The following ZC3H4 variants were observed in gnomAD, a reference collection of about 807,000 sequenced individuals.
The protein encoded by ZC3H4 is zinc finger CCCH domain-containing protein 4.
A neutral mutation model predicts 108.3 loss-of-function variants in ZC3H4; 13 were observed. The ratio of observed to expected loss-of-function variants is 0.12; its 90% confidence interval spans 0.08 to 0.19. ZC3H4 has a LOEUF of 0.19. Among genes scored for constraint, ZC3H4 ranks in the 10% least tolerant of loss-of-function variants. The pLI is 1.00. For synonymous variants in ZC3H4, 917 were observed against 749.6 expected (o/e 1.22, Z -3.65); for missense variants, 1,734 against 1,838.8 (o/e 0.94, Z 1.04).
chr19:47,108,402 T>C (rs977358294), intron 2 of ZC3H4, among the ~76,000 whole-genome samples: 1 of 152,118 alleles, frequency 6.6e-6, no homozygotes, highest in African/African-American at 2.4e-5. Flanking sequence ...ATCTGACCTC[T>C]ATGGAGAGAT....
intron 2 of ZC3H4, among the ~76,000 whole-genome samples, chr19:47,098,996 A>AG (rs1340191771): frequency 2.6e-4 from 39 of 152,264 alleles, no homozygotes; most frequent in African/African-American, 9.1e-4. Flanking sequence ...ACCTATCTCA[A>AG]GGGCTGTGAA....
At chr19:47,091,552 C>T (rs550634089) in intron 4 of ZC3H4, among the ~76,000 whole-genome samples, 533 of 150,396 alleles carry the variant, frequency 3.5e-3, no homozygotes, top group Non-Finnish European at 5.6e-3. Flanking sequence ...CCAGCCTGGG[C>T]GACAGAGCGA....
At position 47,082,302 on chromosome 19, in the gene ZC3H4, G is replaced by A. The variant is rs775748004; in HGVS notation, c.1219-7C>T. ...TAAAATTACAGTGGTCTCCCTAGAA[G>A]AGAAGCAACAAAAACATAAGGTGGT... On this transcript the variant is annotated splice_polypyrimidine_tract_variant and splice_region_variant and intron_variant, in intron 9 of 14. Coordinates refer to ENST00000253048, the MANE Select transcript of ZC3H4 (RefSeq NM_015168.2). The A allele has an allele frequency of 2.5e-6, 4 of 1,601,994 alleles. No homozygotes were observed. In the South Asian group the frequency reaches 4.4e-5, roughly 18 times the overall value.
chr19:47,092,100 A>T (rs563783616), intron 4 of ZC3H4, among the ~76,000 whole-genome samples: 2 of 151,820 alleles, frequency 1.3e-5, no homozygotes, highest in Non-Finnish European at 2.9e-5. Context: ...GCTACTTAGG[A>T]GGCTGAGGCA....
chr19:47,109,300 C>T (rs1202977174), intron 2 of ZC3H4, among the ~76,000 whole-genome samples: 1 of 152,118 alleles, frequency 6.6e-6, no homozygotes, highest in Admixed American at 6.5e-5. Context: ...TGCCTGTGAG[C>T]TTTTTAAATG....
chr19:47,089,973 C>T lies in ZC3H4; in HGVS notation c.709G>A (p.Gly237Ser). 1.2e-6 allele frequency: 2 copies of T among 1,614,188 alleles called. No individual in the cohort carries two copies. The highest frequency in any genetic ancestry group is 1.7e-5 in the Admixed American group (1 of 60,020). Reference protein sequence around the residue: ...YRRAKEGSSRGRGSRGRGRGY... With the variant: ...YRRAKEGSSRSRGSRGRGRGY... ...CTGTAAGGGCAGGGCTCACCTCGGCCGCGGCTGCTGCCCTCCTTGGCACGC... is the reference window on the plus strand; with the variant it reads ...CTGTAAGGGCAGGGCTCACCTCGGCTGCGGCTGCTGCCCTCCTTGGCACGC... Residue 237 changes from glycine to serine, a missense_variant, in exon 5 of 15, where the codon GGC becomes AGC. Gly to Ser is a moderately conservative substitution (Grantham distance 56). Around this residue, in one of 9 missense-constraint regions of ZC3H4, gnomAD observed 403 missense variants for 457.0 expected, o/e 0.88. Transcript: ENST00000253048.
Position 47,072,043 on chromosome 19 carries a change from T to C in ZC3H4, c.1881A>G (p.Pro627=), listed in dbSNP as rs1322894426. The C allele has an allele frequency of 1.9e-6, 3 of 1,586,620 alleles. No homozygotes were observed. Among genetic ancestry groups the C allele is most frequent in the Middle Eastern group, 1.7e-4 (1 of 6,022 alleles). The change falls in exon 13 of 15, where the codon CCA becomes CCG. Residue 627 remains proline, a synonymous_variant. Transcript: ENST00000253048. The surrounding 1 kb of genome is among the most constrained non-coding windows in gnomAD (Gnocchi z 5.6). Reference sequence around the variant, plus strand: ...TGTCGGGGTGCATGTCAGGATGCATTGGACCGCCCATTGGCCCTGGGGGTC... The same window carrying C: ...TGTCGGGGTGCATGTCAGGATGCATCGGACCGCCCATTGGCCCTGGGGGTC... ...NMGPPGPMGG[P]MHPDMHPDMH...
Position 47,112,568 on chromosome 19 carries a change from C to T in ZC3H4, c.17G>A (p.Gly6Glu), listed in dbSNP as rs1000841376. 14 of 1,128,182 alleles carry T rather than the reference C, an allele frequency of 1.2e-5. No homozygotes were observed. The highest frequency in any genetic ancestry group is 1.6e-5 in the African/African-American group (1 of 62,638). The allele number at this position is 1,128,182 out of a possible 1,614,324, so 69.9% of individuals were successfully genotyped here. MEAAP[G>E]TPPPPPSESP... is the part of the protein sequence containing the mutation. Reference sequence around the variant, plus strand: ...CTCTGATGGCGGCGGCGGGGGGGTCCCGGGCGCGGCCTCCATAGTTCCTTT... The same window carrying T: ...CTCTGATGGCGGCGGCGGGGGGGTCTCGGGCGCGGCCTCCATAGTTCCTTT... Residue 6 changes from glycine to glutamate, a missense_variant, in exon 2 of 15, where the codon GGG (glycine) becomes GAG (glutamate). Gly to Glu is a moderately conservative substitution (Grantham distance 98). This residue lies in a region of ZC3H4 where 112 missense variants were observed against 73.3 expected (regional missense o/e 1.53). Coordinates refer to ENST00000253048, the MANE Select transcript of ZC3H4 (RefSeq NM_015168.2).
At chr19:47,076,724 G>C (rs1056038473) in intron 11 of ZC3H4, among the ~76,000 whole-genome samples, 1 of 152,184 alleles carries the variant, frequency 6.6e-6, no homozygotes, top group Admixed American at 6.5e-5. Context: ...GCCGGGCGCA[G>C]TGGCTCACAC....
At position 47,086,544 on chromosome 19, in the gene ZC3H4, T is replaced by C. The variant is rs2057630239; in HGVS notation, c.716-6A>G. ...CCGGCCCCGGCCTCGGCTGCCTGCATGGAGATTCAGATAGTGAGCCTCCAG... is the reference window on the plus strand; with the variant it reads ...CCGGCCCCGGCCTCGGCTGCCTGCACGGAGATTCAGATAGTGAGCCTCCAG... On this transcript the variant is annotated splice_polypyrimidine_tract_variant and splice_region_variant and intron_variant, in intron 5 of 14. Transcript: ENST00000253048. 3.2e-6 allele frequency: 5 copies of C among 1,580,600 alleles called. No homozygotes were observed. The highest frequency in any genetic ancestry group is 4.3e-6 in the Non-Finnish European group (5 of 1,171,540).
intron 2 of ZC3H4, among the ~76,000 whole-genome samples, chr19:47,097,267 T>G (rs1161864400): frequency 6.6e-6 from 1 of 152,220 alleles, no homozygotes; most frequent in Admixed American, 6.5e-5. Flanking sequence ...CTACTTGAAA[T>G]TTTGTTTCCC....
At chr19:47,108,047 C>G (rs559489977) in intron 2 of ZC3H4, among the ~76,000 whole-genome samples, 4 of 152,196 alleles carry the variant, frequency 2.6e-5, no homozygotes, top group Non-Finnish European at 2.9e-5. Flanking sequence ...TGGCTTCATA[C>G]CATGTTATTC....
At chr19:47,099,289 A>G (rs1057153755) in intron 2 of ZC3H4, among the ~76,000 whole-genome samples, 2 of 152,028 alleles carry the variant, frequency 1.3e-5, no homozygotes, top group Non-Finnish European at 2.9e-5. Flanking sequence ...GAGAAACTCC[A>G]TATCTACTCA....
intron 3 of ZC3H4, 129 bp from the exon 4 acceptor site, chr19:47,094,209 G>T: frequency 9.1e-7 from 1 of 1,098,404 alleles, no homozygotes; most frequent in Non-Finnish European, 1.3e-6. Flanking sequence ...ACCTCACCTG[G>T]GGCACTTAGT....
At chr19:47,090,318 G>C (rs2057709745) in intron 4 of ZC3H4, 129 bp from the exon 5 acceptor site, 1 of 1,005,582 alleles carries the variant, frequency 9.9e-7, no homozygotes, top group African/African-American at 1.6e-5. Flanking sequence ...GGGTTGCACT[G>C]CTGGTCTCCA....
chr19:47,081,465 C>T (rs752734260), intron 11 of ZC3H4, 48 bp downstream of exon 11: 2 of 1,440,252 alleles, frequency 1.4e-6, no homozygotes, highest in South Asian at 2.3e-5. Flanking sequence ...ATGGAGTGCG[C>T]ATGTCCCAGT....
intron 2 of ZC3H4, among the ~76,000 whole-genome samples, chr19:47,103,786 A>G (rs1300415229): frequency 7.0e-6 from 1 of 143,754 alleles, no homozygotes; most frequent in Non-Finnish European, 1.5e-5. Context: ...AAAAAAAACT[A>G]CAAAAAAATA....
At position 47,084,039 on chromosome 19, in the gene ZC3H4, C is replaced by T. The variant is rs182570193; in HGVS notation, c.1218+306G>A. 1.0e-3 allele frequency among the ~76,000 whole-genome samples: 154 copies of T among 152,278 alleles called. 1 individual carries two copies. Among genetic ancestry groups the T allele is most frequent in the Admixed American group, 1.9e-3 (29 of 15,282 alleles). On this transcript the variant is annotated intron_variant, in intron 9 of 14. Transcript: ENST00000253048. The stretch of plus-strand genomic sequence containing the variant: ...TCAATAACTTCACCAGGATATGCTG[C>T]TGCTTTGCATTCACATCAACCTCCA...
Position 47,072,022 on chromosome 19 carries a change from G to C in ZC3H4, c.1902C>G (p.Pro634=), listed in dbSNP as rs76187449. The C allele has an allele frequency of 6.9e-3, 10,982 of 1,587,806 alleles. 287 individuals are homozygous for C. The African/African-American group carries it at 0.081, about 12-fold the overall frequency. ...CAGGGTGCATGTCCGGGTGCATGTCGGGGTGCATGTCAGGATGCATTGGAC... is the reference window on the plus strand; with the variant it reads ...CAGGGTGCATGTCCGGGTGCATGTCCGGGTGCATGTCAGGATGCATTGGAC... ...MGGPMHPDMH[P]DMHPDMHPDM... Residue 634 remains proline (P), a synonymous_variant, in exon 13 of 15, where the codon CCC becomes CCG. Coordinates refer to ENST00000253048, the MANE Select transcript of ZC3H4 (RefSeq NM_015168.2). The surrounding 1 kb of genome is among the most constrained non-coding windows in gnomAD (Gnocchi z 5.6).
Sources: gnomAD v4.1 joint callset for allele counts (sites outside exome capture counted in the v4.1 genomes callset) on GRCh38, gnomAD v4.1.1 for gene constraint, gnomAD v4.1.1 regional missense constraint, Gnocchi (gnomAD v3.1) non-coding constraint, MANE v1.5 for transcripts, NCBI Gene and HGNC (gene_info 2026-07-23, HGNC 2026-07-21) for gene names.